The following ZBTB16 variants were observed in gnomAD, a reference collection of about 807,000 sequenced individuals.
ZBTB16 encodes the protein zinc finger and BTB domain-containing protein 16.
In ZBTB16, 8 loss-of-function variants were observed where a neutral mutation model predicts 56.8. That is an observed-to-expected ratio of 0.14 (90% CI 0.08 to 0.25). The LOEUF (loss-of-function observed/expected upper bound fraction) is 0.25, where lower values mean the gene tolerates loss of function less well. Ranked by LOEUF, ZBTB16 falls within the 10% of genes least tolerant of loss-of-function variation. The probability of loss-of-function intolerance (pLI) is 1.00; values close to 1 mark genes in which losing one functional copy is unlikely to be tolerated. For missense variants in ZBTB16, 625 were observed against 903.0 expected, an observed-to-expected ratio of 0.69 and a Z score of 3.95; for synonymous variants, 363 against 368.5, an observed-to-expected ratio of 0.98 and a Z score of 0.17.
rs1421142448 is a variant in ZBTB16 at position 114,063,733 on chromosome 11, G to C, written c.433G>C (p.Glu145Gln). 1 of 1,614,002 alleles carries C rather than the reference G, an allele frequency of 6.2e-7. No homozygotes were observed. Among genetic ancestry groups the C allele is most frequent in the Admixed American group, 1.7e-5 (1 of 60,030 alleles). ...CATGGCCGATGGCGGGGCCGAGGAA[G>C]AAGAGGACCGCAAGGCTCGGTACCT... ...ATMADGGAEE[E>Q]EDRKARYLKN... Residue 145 changes from glutamate (E) to glutamine (Q), a missense_variant, in exon 2 of 7, where the codon GAA becomes CAA. Around this residue, in one of 6 missense-constraint regions of ZBTB16, gnomAD observed 384 missense variants for 393.5 expected, o/e 0.98. Transcript: ENST00000335953. This position sits in a 1 kb window ranked among gnomAD's most constrained non-coding sequence, Gnocchi z 6.5.
At chr11:114,119,674 G>C (rs780656769) in intron 2 of ZBTB16, among the ~76,000 whole-genome samples, 3 of 152,204 alleles carry the variant, frequency 2.0e-5, no homozygotes, top group Non-Finnish European at 4.4e-5. Context: ...TTAACAACCA[G>C]AGTAGCAGCT....
At chr11:114,106,661 T>C (rs1226972000) in intron 2 of ZBTB16, among the ~76,000 whole-genome samples, 1 of 151,872 alleles carries the variant, frequency 6.6e-6, no homozygotes, top group African/African-American at 2.4e-5. Flanking sequence ...TTTAGTAGAG[T>C]TGGGGATTCA....
intron 2 of ZBTB16, among the ~76,000 whole-genome samples, chr11:114,114,930 G>A (rs888639041): frequency 3.3e-5 from 5 of 152,010 alleles, no homozygotes; most frequent in African/African-American, 1.2e-4. Context: ...TGATCCTCCC[G>A]CCTCGGCCTC....
chr11:114,242,357 G>A lies in ZBTB16; in HGVS notation c.1624+20G>A, dbSNP rs757327768. 9.9e-6 allele frequency: 16 copies of A among 1,611,712 alleles called. 1 individual carries two copies. In the South Asian group the frequency reaches 1.4e-4, roughly 14 times the overall value. ...ATACAGGTAGGTCAGTCCAGCTGAT[G>A]GGTGGATCTGGGTCTCTGGGAGCCA... On this transcript the variant is annotated intron_variant, in intron 5 of 6. Transcript: ENST00000335953.
chr11:114,119,914 T>G (rs892609794), intron 2 of ZBTB16, among the ~76,000 whole-genome samples: 8 of 152,062 alleles, frequency 5.3e-5, no homozygotes, highest in Non-Finnish European at 8.8e-5. Flanking sequence ...GCTGCCTCCT[T>G]CTAGCATTCA....
At chr11:114,144,095 G>A (rs375405277) in intron 2 of ZBTB16, among the ~76,000 whole-genome samples, 3 of 151,724 alleles carry the variant, frequency 2.0e-5, no homozygotes, top group Admixed American at 6.6e-5. Context: ...ATGCCCACAC[G>A]CTTGGACCGT....
At chr11:114,115,445 T>C (rs1941142335) in intron 2 of ZBTB16, among the ~76,000 whole-genome samples, 2 of 149,920 alleles carry the variant, frequency 1.3e-5, no homozygotes, top group Admixed American at 1.3e-4. Flanking sequence ...TCTTAGCACA[T>C]CGGCAGGTGT....
At chr11:114,208,679 T>C (rs566447489) in intron 4 of ZBTB16, among the ~76,000 whole-genome samples, 1 of 152,322 alleles carries the variant, frequency 6.6e-6, no homozygotes, top group East Asian at 1.9e-4. Context: ...TTTCTTCCGT[T>C]GGCTTCTTTT....
chr11:114,063,239 C>T lies in ZBTB16; in HGVS notation c.-62C>T. ...CCTCTATTGGCCCAGGAAGCCCACC[C>T]AGCCCCGCCACGCAGAGCCCAGAAG... is the stretch of plus-strand genomic sequence containing the variant. On this transcript the variant is annotated 5_prime_UTR_variant, in exon 2 of 7. Transcript: ENST00000335953. This position sits in a 1 kb window ranked among gnomAD's most constrained non-coding sequence, Gnocchi z 6.5. 1.3e-6 allele frequency: 2 copies of T among 1,590,120 alleles called. No homozygotes were observed. The highest frequency in any genetic ancestry group is 1.7e-6 in the Non-Finnish European group (2 of 1,169,420).
At chr11:114,086,969 C>T (rs925824437) in intron 2 of ZBTB16, among the ~76,000 whole-genome samples, 1 of 152,216 alleles carries the variant, frequency 6.6e-6, no homozygotes, top group African/African-American at 2.4e-5. Context: ...GCCAACTTCT[C>T]CCCCTCCTCC....
At chr11:114,165,017 T>C (rs1462536955) in intron 3 of ZBTB16, among the ~76,000 whole-genome samples, 1 of 152,130 alleles carries the variant, frequency 6.6e-6, no homozygotes, top group Admixed American at 6.6e-5. Flanking sequence ...TCTGTCTTCG[T>C]TGGTCTTTTC....
chr11:114,136,310 C>T (rs1033596362), intron 2 of ZBTB16, among the ~76,000 whole-genome samples: 1 of 152,160 alleles, frequency 6.6e-6, no homozygotes, highest in Non-Finnish European at 1.5e-5. Flanking sequence ...TGAGGGTGCT[C>T]TATGGGGGGC....
intron 4 of ZBTB16, among the ~76,000 whole-genome samples, chr11:114,225,615 C>T (rs1944313567): frequency 6.6e-6 from 1 of 152,012 alleles, no homozygotes; most frequent in South Asian, 2.1e-4. Flanking sequence ...CATTAATCCA[C>T]GCGTGAGGGC....
chr11:114,186,283 C>T (rs583329), intron 3 of ZBTB16, among the ~76,000 whole-genome samples: 87,403 of 151,436 alleles, frequency 0.58, 25,751 homozygotes, highest in African/African-American at 0.69. Context: ...GGGAAGAACA[C>T]GGTTCCTCCA....
chr11:114,163,438 G>T (rs758403170), intron 3 of ZBTB16, among the ~76,000 whole-genome samples: 4 of 151,150 alleles, frequency 2.6e-5, no homozygotes, highest in Non-Finnish European at 5.9e-5. Flanking sequence ...TTTGTTTTTT[G>T]GCCAGGGATT....
At chr11:114,183,104 G>C (rs912089981) in intron 3 of ZBTB16, among the ~76,000 whole-genome samples, 3 of 152,182 alleles carry the variant, frequency 2.0e-5, no homozygotes, top group Admixed American at 6.5e-5. Flanking sequence ...GGAGAGCTGG[G>C]GGGGAAGTCA....
At chr11:114,127,488 C>T (rs536863206) in intron 2 of ZBTB16, among the ~76,000 whole-genome samples, 2 of 152,328 alleles carry the variant, frequency 1.3e-5, no homozygotes, top group South Asian at 4.1e-4. Context: ...ACACTCCCCA[C>T]CCCAGTACAC....
At chr11:114,130,537 T>G (rs1324127238) in intron 2 of ZBTB16, among the ~76,000 whole-genome samples, 1 of 152,256 alleles carries the variant, frequency 6.6e-6, no homozygotes, top group Non-Finnish European at 1.5e-5. Flanking sequence ...CACACGCATC[T>G]ACAAATATGT....
chr11:114,242,908 G>T (rs1347971702), intron 5 of ZBTB16, among the ~76,000 whole-genome samples: 1 of 152,198 alleles, frequency 6.6e-6, no homozygotes, highest in Non-Finnish European at 1.5e-5. Flanking sequence ...GCATTTAAAC[G>T]ATGAGCAATG....
Sources: allele counts gnomAD v4.1 joint callset (sites outside exome capture counted in the v4.1 genomes callset), GRCh38; gene constraint gnomAD v4.1.1; regional missense constraint gnomAD v4.1.1; non-coding constraint Gnocchi (gnomAD v3.1); transcripts MANE v1.5; gene names NCBI Gene and HGNC (gene_info 2026-07-23, HGNC 2026-07-21).